Variants in HECTD4 observed in about 807,000 individuals in gnomAD.
HECTD4 encodes the protein HECT domain E3 ubiquitin protein ligase 4, also known as probable E3 ubiquitin-protein ligase HECTD4.
A neutral mutation model predicts 471.5 loss-of-function variants in HECTD4; 114 were observed. The ratio of observed to expected loss-of-function variants is 0.24; its 90% CI spans 0.21 to 0.28. The LOEUF is 0.28. HECTD4 is among the 10% of genes least tolerant of loss of function. The pLI is 1.00. For synonymous variants in HECTD4, 2,012 were observed against 2,256.0 expected (o/e 0.89, Z 3.07); for missense variants, 3,866 against 5,651.5 (o/e 0.68, Z 10.13).
chr12:112,282,939 G>A (rs2034675162), intron 8 of HECTD4, among the ~76,000 whole-genome samples, 171 bp downstream of exon 8: 1 of 152,162 alleles, frequency 6.6e-6, no homozygotes, highest in Non-Finnish European at 1.5e-5. Context: ...TGTGTCCATA[G>A]CCTACAACAT....
At chr12:112,191,642 G>T (rs931987583) in intron 59 of HECTD4, among the ~76,000 whole-genome samples, 2 of 152,180 alleles carry the variant, frequency 1.3e-5, no homozygotes, top group Non-Finnish European at 2.9e-5. Flanking sequence ...ACTCTGGGGT[G>T]AATGTTTACA....
At chr12:112,351,178 A>C (rs1339276025) in intron 1 of HECTD4, among the ~76,000 whole-genome samples, 1 of 152,022 alleles carries the variant, frequency 6.6e-6, no homozygotes, top group Non-Finnish European at 1.5e-5. Flanking sequence ...CAGTCCCTGC[A>C]CTCCCCTCCT....
In HECTD4 at chr12:112,170,332, C is replaced by T; in HGVS notation, c.12052+1G>A. On this transcript the variant is annotated splice_donor_variant, in intron 69 of 75. Coordinates refer to ENST00000682272, the MANE Select transcript of HECTD4 (RefSeq NM_001388303.1). LOFTEE classifies it high-confidence loss of function. Reference sequence around the variant, plus strand: ...TTTTTGCTCTCCGCAGCCAACCCCACCTCCCACAATTTCCAGTGGGTCCAA... The same window carrying T: ...TTTTTGCTCTCCGCAGCCAACCCCATCTCCCACAATTTCCAGTGGGTCCAA... The T allele has an allele frequency of 6.2e-7, 1 of 1,613,892 alleles. No individual in the cohort carries two copies. The highest frequency in any genetic ancestry group is 8.5e-7 in the Non-Finnish European group (1 of 1,179,884).
Position 112,382,409 on chromosome 12 carries a change from G to A in HECTD4, c.-281C>T, listed in dbSNP as rs912156712. The A allele has an allele frequency of 1.6e-5, 5 of 306,384 alleles. No homozygotes were observed. The highest frequency in any genetic ancestry group is 6.8e-5 in the African/African-American group (3 of 44,350). The allele number at this position is 306,384 out of a possible 1,614,324, so 19.0% of individuals were successfully genotyped here. A position where few individuals can be genotyped will look rare whatever the true frequency, so the allele number is the denominator to read the frequency against. On this transcript the variant is annotated 5_prime_UTR_variant, in exon 1 of 76. Coordinates refer to ENST00000682272, the MANE Select transcript of HECTD4 (RefSeq NM_001388303.1). The stretch of plus-strand genomic sequence containing the variant: ...CCGCTCGGCAACCAACTGTCAGTGA[G>A]ACGCCATGTTGGGGGCGGGGCTCCC...
intron 8 of HECTD4, among the ~76,000 whole-genome samples, chr12:112,282,036 T>C (rs2034653524): frequency 6.6e-6 from 1 of 152,044 alleles, no homozygotes; most frequent in Admixed American, 6.6e-5. Flanking sequence ...TGAGGGAGTA[T>C]GTTTAATAAC....
At chr12:112,322,396 G>T (rs1173661715) in intron 1 of HECTD4, 1 of 152,488 alleles carries the variant, frequency 6.6e-6, no homozygotes, top group Non-Finnish European at 1.5e-5. Context: ...AAGAAATGAT[G>T]CAAGTAGAAA....
At chr12:112,192,085 C>T (rs1316978318) in intron 59 of HECTD4, among the ~76,000 whole-genome samples, 2 of 152,180 alleles carry the variant, frequency 1.3e-5, no homozygotes, top group Non-Finnish European at 2.9e-5. Context: ...AACTCTAAAA[C>T]GATGGAGGCT....
chr12:112,301,219 G>A (rs932282690), intron 7 of HECTD4, among the ~76,000 whole-genome samples: 1 of 148,372 alleles, frequency 6.7e-6, no homozygotes, highest in Non-Finnish European at 1.5e-5. Context: ...GTCTTGCCCT[G>A]TTGCCCAGGC....
chr12:112,353,853 G>C (rs2036287013), intron 1 of HECTD4, among the ~76,000 whole-genome samples: 1 of 152,010 alleles, frequency 6.6e-6, no homozygotes, highest in South Asian at 2.1e-4. Flanking sequence ...TAATGTGAAG[G>C]GTAATTTTAA....
chr12:112,200,884 C>T (rs11066192), intron 54 of HECTD4, 86 bp from the exon 55 acceptor site: 167 of 698,616 alleles, frequency 2.4e-4, no homozygotes, highest in East Asian at 2.0e-3. Context: ...TGCGTGCGTG[C>T]GTGTGTGTGT....
At chr12:112,195,222 A>G (rs2032200802) in intron 55 of HECTD4, among the ~76,000 whole-genome samples, 156 bp from the exon 56 acceptor site, 1 of 152,258 alleles carries the variant, frequency 6.6e-6, no homozygotes, top group African/African-American at 2.4e-5. Context: ...AGTTTTAAAC[A>G]AAAGTCACAT....
At chr12:112,246,567 G>A (rs1042259163) in intron 29 of HECTD4, among the ~76,000 whole-genome samples, 2 of 152,112 alleles carry the variant, frequency 1.3e-5, no homozygotes, top group Non-Finnish European at 2.9e-5. Context: ...CCTGGGAGGC[G>A]GAGGTTTCGG....
chr12:112,193,462 C>T lies in HECTD4; in HGVS notation c.8955+7G>A. 1 of 1,602,828 alleles carries T rather than the reference C, an allele frequency of 6.2e-7. No individual in the cohort carries two copies. Among genetic ancestry groups the T allele is most frequent in the South Asian group, 1.1e-5 (1 of 88,710 alleles). On this transcript the variant is annotated splice_region_variant and intron_variant, in intron 57 of 75. Transcript: ENST00000682272. This position sits in a 1 kb window ranked among gnomAD's most constrained non-coding sequence, Gnocchi z 5.2. ...ACACTGCAGGAACATGAGCTTTAGACTTCTACCTGCAGGAAAGAGCAGATC... is the reference window on the plus strand; with the variant it reads ...ACACTGCAGGAACATGAGCTTTAGATTTCTACCTGCAGGAAAGAGCAGATC...
At chr12:112,380,402 G>A (rs914547991) in intron 1 of HECTD4, among the ~76,000 whole-genome samples, 2 of 151,772 alleles carry the variant, frequency 1.3e-5, no homozygotes, top group African/African-American at 2.4e-5. Flanking sequence ...CTGAGATCGC[G>A]CCACTGCACT....
Position 112,283,145 on chromosome 12 carries a change from G to C in HECTD4, c.1493C>G (p.Ser498Cys). 1 of 1,613,552 alleles carries C rather than the reference G, an allele frequency of 6.2e-7. No individual in the cohort carries two copies. Among genetic ancestry groups the C allele is most frequent in the Non-Finnish European group, 8.5e-7 (1 of 1,179,714 alleles). ...PSATLAALTG[S>C]TISNTLKEDQ... The stretch of plus-strand genomic sequence containing the variant: ...CTCTTTCAGTGTGTTGGAGATGGTG[G>C]AACCAGTCAGGGCAGCAAGCGTTGC... Residue 498 changes from serine to cysteine, a missense_variant, in exon 8 of 76, where the codon TCC becomes TGC. Around this residue, in one of 16 missense-constraint regions of HECTD4, gnomAD observed 440 missense variants for 636.0 expected, o/e 0.69. Coordinates refer to ENST00000682272, the MANE Select transcript of HECTD4 (RefSeq NM_001388303.1).
At chr12:112,201,888 G>A (rs1039849960) in intron 54 of HECTD4, among the ~76,000 whole-genome samples, 4 of 152,140 alleles carry the variant, frequency 2.6e-5, no homozygotes, top group Non-Finnish European at 5.9e-5. Flanking sequence ...TATTTTGGAT[G>A]CAAATACCAA....
At position 112,204,622 on chromosome 12, in the gene HECTD4, A is replaced by G; in HGVS notation, c.8133T>C (p.Gly2711=). The change falls in exon 53 of 76, where the codon GGT becomes GGC. Residue 2711 remains glycine, a splice_region_variant and synonymous_variant. Coordinates refer to ENST00000682272, the MANE Select transcript of HECTD4 (RefSeq NM_001388303.1). Reference sequence around the variant, plus strand: ...CCGTCTGTCGGGCAATATCCACCATACCTAAAAAATATAACAGCACAGGGT... The same window carrying G: ...CCGTCTGTCGGGCAATATCCACCATGCCTAAAAAATATAACAGCACAGGGT... The part of the protein sequence containing the change: ...LDQIKGALQL[G]MVDIARQTVE... 6.2e-7 allele frequency: 1 copy of G among 1,612,068 alleles called. No homozygotes were observed. Among genetic ancestry groups the G allele is most frequent in the Non-Finnish European group, 8.5e-7 (1 of 1,178,754 alleles).
intron 66 of HECTD4, among the ~76,000 whole-genome samples, chr12:112,175,168 G>A (rs138354941): frequency 8.5e-5 from 13 of 152,290 alleles, no homozygotes; most frequent in South Asian, 6.2e-4. Flanking sequence ...CCCAGTCCCC[G>A]AACAGATACG....
At chr12:112,172,567 C>T (rs923803525) in intron 67 of HECTD4, 104 bp downstream of exon 67, 45 of 1,145,972 alleles carry the variant, frequency 3.9e-5, no homozygotes, top group African/African-American at 1.2e-4. Flanking sequence ...CATAAGTGTT[C>T]GTTCGATGGA....
Sources: gnomAD v4.1 joint callset for allele counts (sites outside exome capture counted in the v4.1 genomes callset) on GRCh38, gnomAD v4.1.1 for gene constraint, gnomAD v4.1.1 regional missense constraint, Gnocchi (gnomAD v3.1) non-coding constraint, MANE v1.5 for transcripts, NCBI Gene and HGNC (gene_info 2026-07-23, HGNC 2026-07-21) for gene names.